The following FARS2 variants were observed in gnomAD, a reference collection of about 807,000 sequenced individuals.
The protein encoded by FARS2 is phenylalanine--tRNA ligase, mitochondrial.
FARS2 carries 40 observed loss-of-function variants against 46.4 expected under a neutral mutation model. That is an observed-to-expected ratio of 0.86 (90% CI 0.67 to 1.12). The LOEUF (loss-of-function observed/expected upper bound fraction) is 1.12. FARS2 is among the 50% of genes most tolerant of loss of function. The pLI is 0.00. For synonymous variants in FARS2, 234 were observed against 214.9 expected, an observed-to-expected ratio of 1.09 and a Z score of -0.78; for missense variants, 513 against 567.9, an observed-to-expected ratio of 0.90 and a Z score of 0.98.
chr6:5,399,531 G>GT (rs1446247231), intron 2 of FARS2, among the ~76,000 whole-genome samples: 1 of 151,918 alleles, frequency 6.6e-6, no homozygotes, highest in Admixed American at 6.6e-5. Context: ...ATACAACAAG[G>GT]TTTACTTAGA....
Position 5,471,930 on chromosome 6 carries a change from C to G in FARS2, c.904+40758C>G, listed in dbSNP as rs969061585. The stretch of plus-strand genomic sequence containing the variant: ...CAAAGAAAGGGCATTTGCCACAGCT[C>G]AGGAGCCTGCCTGAAAATGAATGAG... On this transcript the variant is annotated intron_variant, in intron 4 of 6. Transcript: ENST00000274680. This position sits in a 1 kb window ranked among gnomAD's most constrained non-coding sequence, Gnocchi z 4.1. Among the ~76,000 whole-genome samples, 1 of 152,190 alleles carries G rather than the reference C, an allele frequency of 6.6e-6. No homozygotes were observed. Among genetic ancestry groups the G allele is most frequent in the African/African-American group, 2.4e-5 (1 of 41,436 alleles).
intron 2 of FARS2, among the ~76,000 whole-genome samples, chr6:5,381,374 C>T (rs984807308): frequency 8.5e-6 from 1 of 117,966 alleles, no homozygotes; most frequent in African/African-American, 3.9e-5. Context: ...CCCAGAAACA[C>T]ACACACACAC....
intron 2 of FARS2, among the ~76,000 whole-genome samples, chr6:5,383,533 A>G (rs1382928802): frequency 1.3e-5 from 2 of 150,648 alleles, no homozygotes; most frequent in African/African-American, 2.5e-5. Flanking sequence ...AACACTCTGA[A>G]CTTCAGCGTC....
intron 1 of FARS2, among the ~76,000 whole-genome samples, chr6:5,323,120 GA>G (rs1315421124): frequency 6.6e-6 from 1 of 151,978 alleles, no homozygotes; most frequent in African/African-American, 2.4e-5. Context: ...ATTTTGAGGG[GA>G]AAATTAATTA....
intron 4 of FARS2, among the ~76,000 whole-genome samples, chr6:5,507,155 A>T (rs918863242): frequency 1.3e-5 from 2 of 152,204 alleles, no homozygotes; most frequent in Non-Finnish European, 2.9e-5. Context: ...AGGTTTCAGA[A>T]TTTGGCAGCA....
In FARS2 at chr6:5,343,464, G is replaced by A. The variant is rs80068972; in HGVS notation, c.-21-25086G>A. On this transcript the variant is annotated intron_variant, in intron 1 of 6. Coordinates refer to ENST00000274680, the MANE Select transcript of FARS2 (RefSeq NM_006567.5). The surrounding 1 kb of genome is among the most constrained non-coding windows in gnomAD (Gnocchi z 4.5). ...TGACCTCAGGTGATCCACCCGCCTC[G>A]GCCTCTGAAAGTGCTGGGATTACAG... is the stretch of plus-strand genomic sequence containing the variant. 0.23 allele frequency among the ~76,000 whole-genome samples: 34,223 copies of A among 152,036 alleles called. 4,776 individuals are homozygous for A. The highest frequency in any genetic ancestry group is 0.29 in the Non-Finnish European group (19,905 of 67,942).
intron 6 of FARS2, among the ~76,000 whole-genome samples, chr6:5,678,020 A>G (rs1778851101): frequency 6.6e-6 from 1 of 152,176 alleles, no homozygotes; most frequent in African/African-American, 2.4e-5. Context: ...ACTAAGAGAA[A>G]AGCAAGAGAG....
chr6:5,304,971 G>A (rs1001841250), intron 1 of FARS2, among the ~76,000 whole-genome samples: 1 of 152,156 alleles, frequency 6.6e-6, no homozygotes, highest in African/African-American at 2.4e-5. Context: ...AGTCAAAGGA[G>A]CTTGGTAGGA....
At chr6:5,710,112 G>T (rs748941557) in intron 6 of FARS2, among the ~76,000 whole-genome samples, 2 of 152,106 alleles carry the variant, frequency 1.3e-5, no homozygotes, top group Non-Finnish European at 2.9e-5. Context: ...ACCTTCTGAT[G>T]GTCCTGGAGA....
rs77756478 is a variant in FARS2 at position 5,351,281 on chromosome 6, G to A, written c.-21-17269G>A. On this transcript the variant is annotated intron_variant, in intron 1 of 6. Coordinates refer to ENST00000274680, the MANE Select transcript of FARS2 (RefSeq NM_006567.5). ...AAATATGTTGAATGATTGATTTAAT[G>A]CATGAATACTTGCTTTTACTTTTTA... Among the ~76,000 whole-genome samples the A allele has an allele frequency of 2.8e-3, 430 of 152,308 alleles. 1 individual carries two copies. The highest frequency in any genetic ancestry group is 9.8e-3 in the African/African-American group (409 of 41,558).
chr6:5,566,424 C>T lies in FARS2; in HGVS notation c.1065+21084C>T, dbSNP rs547540576. Among the ~76,000 whole-genome samples, 4 of 152,246 alleles carry T rather than the reference C, an allele frequency of 2.6e-5. No homozygotes were observed. In the East Asian group the frequency reaches 7.7e-4, roughly 29 times the overall value. On this transcript the variant is annotated intron_variant, in intron 5 of 6. Coordinates refer to ENST00000274680, the MANE Select transcript of FARS2 (RefSeq NM_006567.5). Reference sequence around the variant, plus strand: ...ATAACACAAGCAAAACAGAACAGAGCCGTTGATTTTGAGAGGGATTTAGCT... The same window carrying T: ...ATAACACAAGCAAAACAGAACAGAGTCGTTGATTTTGAGAGGGATTTAGCT...
chr6:5,565,285 C>T (rs547275697), intron 5 of FARS2, among the ~76,000 whole-genome samples: 30 of 152,196 alleles, frequency 2.0e-4, no homozygotes, highest in Non-Finnish European at 3.8e-4. Context: ...GTTACTTTCA[C>T]TTTCTGAGTG....
intron 6 of FARS2, among the ~76,000 whole-genome samples, chr6:5,676,746 T>C (rs1184443036): frequency 1.3e-5 from 2 of 152,246 alleles, no homozygotes; most frequent in Non-Finnish European, 2.9e-5. Context: ...TGTGCTTTTA[T>C]TCTATGTTAG....
chr6:5,493,769 G>A (rs776471646), intron 4 of FARS2, among the ~76,000 whole-genome samples: 2 of 152,220 alleles, frequency 1.3e-5, no homozygotes, highest in African/African-American at 4.8e-5. Flanking sequence ...CATAGTAGGT[G>A]CTCACAAACG....
intron 4 of FARS2, among the ~76,000 whole-genome samples, chr6:5,464,539 GT>G (rs1765410734): frequency 6.6e-6 from 1 of 152,166 alleles, no homozygotes; most frequent in Admixed American, 6.5e-5. Flanking sequence ...TCCCTTCTCT[GT>G]TTCGAATGCT....
At chr6:5,441,562 G>A (rs926487297) in intron 4 of FARS2, among the ~76,000 whole-genome samples, 8 of 152,184 alleles carry the variant, frequency 5.3e-5, no homozygotes, top group African/African-American at 1.9e-4. Context: ...AAGTTCATCT[G>A]TGTTGTCATA....
chr6:5,752,959 C>G (rs1762031562), intron 6 of FARS2, among the ~76,000 whole-genome samples: 1 of 152,160 alleles, frequency 6.6e-6, no homozygotes, highest in South Asian at 2.1e-4. Context: ...CTGCCCCACC[C>G]AGCAGGGTGA....
At chr6:5,464,916 TG>T (rs1476525097) in intron 4 of FARS2, among the ~76,000 whole-genome samples, 1 of 152,220 alleles carries the variant, frequency 6.6e-6, no homozygotes, top group Non-Finnish European at 1.5e-5. Flanking sequence ...TCTTTTTCAG[TG>T]TCCTTGAAGA....
chr6:5,315,025 G>A (rs1769348491), intron 1 of FARS2, among the ~76,000 whole-genome samples: 1 of 152,210 alleles, frequency 6.6e-6, no homozygotes, highest in South Asian at 2.1e-4. Flanking sequence ...CTGGGTAGAG[G>A]TAATTAGTGG....
Sources: allele counts gnomAD v4.1 joint callset (sites outside exome capture counted in the v4.1 genomes callset), GRCh38; gene constraint gnomAD v4.1.1; non-coding constraint Gnocchi (gnomAD v3.1); transcripts MANE v1.5; gene names NCBI Gene and HGNC (gene_info 2026-07-23, HGNC 2026-07-21).